Variants in RBM27 observed in about 807,000 individuals in gnomAD.
RBM27 encodes RNA binding motif protein 27.
Under a neutral mutation model 135.3 loss-of-function variants are expected in RBM27, and 22 were observed. That is an observed-to-expected ratio of 0.16 (90% confidence interval 0.12 to 0.23). The LOEUF (loss-of-function observed/expected upper bound fraction) is 0.23. Among genes scored for constraint, RBM27 ranks in the 10% least tolerant of loss-of-function variants. The pLI, the probability that RBM27 is intolerant of heterozygous loss-of-function variation, is 1.00. For synonymous variants in RBM27, 481 were observed against 442.4 expected (o/e 1.09, Z -1.10); for missense variants, 1,009 against 1,281.0 (o/e 0.79, Z 3.24).
At chr5:146,237,455 A>C in intron 8 of RBM27, 23 bp downstream of exon 8, 1 of 1,612,740 alleles carries the variant, frequency 6.2e-7, no homozygotes, top group Non-Finnish European at 8.5e-7. Flanking sequence ...TGTTTGACTT[A>C]AAATTGACAG....
chr5:146,264,105 CAA>C (rs377296275), intron 14 of RBM27, among the ~76,000 whole-genome samples: 5 of 122,782 alleles, frequency 4.1e-5, no homozygotes, highest in Admixed American at 8.5e-5. Flanking sequence ...GACCCTGTGT[CAA>C]AAAAAAAAAA....
At chr5:146,211,764 G>C (rs895309650) in intron 1 of RBM27, among the ~76,000 whole-genome samples, 4 of 151,984 alleles carry the variant, frequency 2.6e-5, no homozygotes, top group African/African-American at 9.7e-5. Context: ...GCCTGGCCCA[G>C]TATGGTCTTA....
chr5:146,229,667 A>T (rs1200045627), intron 4 of RBM27, 50 bp from the exon 5 acceptor site: 1 of 1,454,176 alleles, frequency 6.9e-7, no homozygotes, highest in African/African-American at 1.4e-5. Context: ...ATTTGTTTGC[A>T]GACTTGGTTT....
At chr5:146,270,334 G>A (rs1009325060) in intron 17 of RBM27, among the ~76,000 whole-genome samples, 3 of 150,864 alleles carry the variant, frequency 2.0e-5, no homozygotes, top group Non-Finnish European at 4.4e-5. Context: ...GTTATATGTA[G>A]TATTACATTA....
In RBM27 at chr5:146,229,818, G is replaced by A. The variant is rs1219915064; in HGVS notation, c.497G>A (p.Arg166Lys). 19 of 1,613,902 alleles carry A rather than the reference G, an allele frequency of 1.2e-5. No individual in the cohort carries two copies. Among genetic ancestry groups the A allele is most frequent in the Non-Finnish European group, 1.4e-5 (16 of 1,179,994 alleles). The change falls in exon 5 of 21, where the codon AGG (arginine) becomes AAG (lysine). Residue 166 changes from arginine to lysine, a missense_variant. By Grantham distance (26) the Arg-to-Lys change is conservative (BLOSUM62 2). This residue lies in a region of RBM27 where 268 missense variants were observed against 326.6 expected (regional missense o/e 0.82). Coordinates refer to ENST00000265271, the MANE Select transcript of RBM27 (RefSeq NM_018989.2). Reference protein sequence around the residue: ...YREKYDWRRGRSKSRSKSRGL... With the variant: ...YREKYDWRRGKSKSRSKSRGL... The stretch of plus-strand genomic sequence containing the variant: ...GAGAAGTATGACTGGAGAAGAGGCA[G>A]GAGTAAGAGTCGGAGTAAGAGTCGA...
intron 8 of RBM27, among the ~76,000 whole-genome samples, chr5:146,238,190 G>A (rs1440705358): frequency 6.6e-6 from 1 of 152,134 alleles, no homozygotes; most frequent in East Asian, 1.9e-4. Flanking sequence ...GGCTGTTTGT[G>A]ACATTCACAT....
chr5:146,230,849 A>G lies in RBM27; in HGVS notation c.782A>G (p.Asn261Ser), dbSNP rs1341951729. ...ACTGAGAGTTGGTCTAATTACTATA[A>G]CAATCATAGCTCTTCCAATTCTTTT... The part of the protein sequence containing the change: ...NTTESWSNYY[N>S]NHSSSNSFGR... Residue 261 changes from asparagine (N) to serine (S), a missense_variant, in exon 6 of 21, where the codon AAC (asparagine) becomes AGC (serine). Asn to Ser is a conservative substitution (Grantham distance 46, BLOSUM62 1). Transcript: ENST00000265271. The G allele has an allele frequency of 3.1e-6, 5 of 1,614,108 alleles. No homozygotes were observed. The South Asian group carries it at 4.4e-5, about 14-fold the overall frequency.
chr5:146,229,668 G>C, intron 4 of RBM27, 49 bp from the exon 5 acceptor site: 1 of 1,463,432 alleles, frequency 6.8e-7, no homozygotes, highest in Non-Finnish European at 9.4e-7. Flanking sequence ...TTTGTTTGCA[G>C]ACTTGGTTTC....
At chr5:146,230,239 G>A (rs1410361522) in intron 5 of RBM27, among the ~76,000 whole-genome samples, 1 of 151,986 alleles carries the variant, frequency 6.6e-6, no homozygotes, top group African/African-American at 2.4e-5. Context: ...TTCTTTGTTT[G>A]GTTTTCTAAA....
At chr5:146,251,611 A>AT in intron 8 of RBM27, 100 bp from the exon 9 acceptor site, 1 of 1,179,620 alleles carries the variant, frequency 8.5e-7, no homozygotes, top group Non-Finnish European at 1.2e-6. Flanking sequence ...TGTTGGTTTA[A>AT]TTTCTCTGTT....
At chr5:146,228,762 G>T (rs921354170) in intron 3 of RBM27, among the ~76,000 whole-genome samples, 184 bp from the exon 4 acceptor site, 1 of 151,998 alleles carries the variant, frequency 6.6e-6, no homozygotes, top group Non-Finnish European at 1.5e-5. Context: ...ATCCCACCAT[G>T]CCCAGCTAAC....
chr5:146,283,430 G>T (rs1433175910), intron 19 of RBM27, among the ~76,000 whole-genome samples: 1 of 152,072 alleles, frequency 6.6e-6, no homozygotes, highest in Non-Finnish European at 1.5e-5. Flanking sequence ...TCAGCTCCTT[G>T]GGAAGCTGAA....
chr5:146,217,348 C>T (rs892206235), intron 1 of RBM27, among the ~76,000 whole-genome samples: 1 of 150,690 alleles, frequency 6.6e-6, no homozygotes, highest in Non-Finnish European at 1.5e-5. Flanking sequence ...TACTGAATTA[C>T]GAACTTTAAG....
At chr5:146,255,837 T>C (rs1758076756) in intron 10 of RBM27, among the ~76,000 whole-genome samples, 1 of 151,194 alleles carries the variant, frequency 6.6e-6, no homozygotes, top group African/African-American at 2.4e-5. Context: ...TTTCTTCCTT[T>C]CTTTTCCTTT....
chr5:146,222,370 A>G (rs1309221501), intron 2 of RBM27, among the ~76,000 whole-genome samples: 1 of 152,214 alleles, frequency 6.6e-6, no homozygotes, highest in Non-Finnish European at 1.5e-5. Context: ...GGACCAATCA[A>G]AGTTATTTAG....
At chr5:146,208,302 A>G (rs924736969) in intron 1 of RBM27, among the ~76,000 whole-genome samples, 5 of 152,132 alleles carry the variant, frequency 3.3e-5, no homozygotes, top group Admixed American at 6.5e-5. Context: ...ATTATTCCCT[A>G]TGGACAAGTT....
In RBM27 at chr5:146,269,546, G is replaced by T; in HGVS notation, c.2653G>T (p.Ala885Ser). The T allele has an allele frequency of 6.3e-7, 1 of 1,574,936 alleles. No individual in the cohort carries two copies. The highest frequency in any genetic ancestry group is 8.6e-7 in the Non-Finnish European group (1 of 1,167,770). ...QLKDELKTSS[A>S]VSTPSKVKTK... ...AAAAGATGAATTAAAAACATCTTCT[G>T]CAGTCTCCACACCATCTAAAGTGAA... is the stretch of plus-strand genomic sequence containing the variant. The change falls in exon 17 of 21, where the codon GCA becomes TCA. Residue 885 changes from alanine (A) to serine (S), a missense_variant. Ala to Ser is a moderately conservative substitution (Grantham distance 99, BLOSUM62 1). Around this residue, in one of 6 missense-constraint regions of RBM27, gnomAD observed 355 missense variants for 427.3 expected, o/e 0.83. Coordinates refer to ENST00000265271, the MANE Select transcript of RBM27 (RefSeq NM_018989.2).
intron 1 of RBM27, among the ~76,000 whole-genome samples, chr5:146,218,636 T>A (rs909616585): frequency 8.5e-5 from 13 of 152,192 alleles, no homozygotes; most frequent in African/African-American, 2.9e-4. Flanking sequence ...CCTGAAGGTG[T>A]TATTGACAGT....
chr5:146,219,252 T>A, intron 2 of RBM27, 149 bp downstream of exon 2: 1 of 533,006 alleles, frequency 1.9e-6, no homozygotes, highest in Non-Finnish European at 3.2e-6. Flanking sequence ...CTTAATTATT[T>A]ATCATGTTTT....
Sources: gnomAD v4.1 joint callset for allele counts (sites outside exome capture counted in the v4.1 genomes callset) on GRCh38, gnomAD v4.1.1 for gene constraint, gnomAD v4.1.1 regional missense constraint, MANE v1.5 for transcripts, NCBI Gene and HGNC (gene_info 2026-07-23, HGNC 2026-07-21) for gene names.